TAFA1: variants seen among roughly 807,000 people sequenced by gnomAD.
The protein encoded by TAFA1 is TAFA chemokine like family member 1.
A neutral mutation model predicts 18.5 loss-of-function variants in TAFA1; 4 were observed. The observed-to-expected ratio is 0.22, with a 90% confidence interval of 0.11 to 0.49. TAFA1 has a LOEUF of 0.49. Ranked by LOEUF, TAFA1 falls within the 20% of genes least tolerant of loss-of-function variation. The pLI is 0.98. For missense variants in TAFA1, 147 were observed against 169.0 expected (o/e 0.87, Z 0.72); for synonymous variants, 56 against 55.2 (o/e 1.01, Z -0.06).
intron 2 of TAFA1, among the ~76,000 whole-genome samples, chr3:68,338,640 T>C (rs2069018647): frequency 6.6e-6 from 1 of 152,226 alleles, no homozygotes; most frequent in Non-Finnish European, 1.5e-5. Context: ...TTGAAATTAT[T>C]GAGCCAGGAT....
chr3:68,133,344 A>G (rs578001539), intron 2 of TAFA1, among the ~76,000 whole-genome samples: 2 of 152,178 alleles, frequency 1.3e-5, no homozygotes, highest in African/African-American at 4.8e-5. Flanking sequence ...TATCTTGGCT[A>G]TATGGGCTCT....
intron 2 of TAFA1, among the ~76,000 whole-genome samples, chr3:68,215,259 C>T (rs1420232117): frequency 6.6e-6 from 1 of 151,996 alleles, no homozygotes; most frequent in African/African-American, 2.4e-5. Context: ...CAGTGTGGTG[C>T]TTAAGAAGCA....
intron 2 of TAFA1, among the ~76,000 whole-genome samples, chr3:68,016,589 G>A (rs922466235): frequency 2.6e-5 from 4 of 152,184 alleles, no homozygotes; most frequent in Non-Finnish European, 5.9e-5. Context: ...TATAGCCTAG[G>A]TGGGTAGTAG....
intron 2 of TAFA1, among the ~76,000 whole-genome samples, chr3:68,231,522 G>C (rs933281218): frequency 6.7e-6 from 1 of 150,242 alleles, no homozygotes; most frequent in East Asian, 2.0e-4. Flanking sequence ...CACCGCGCCC[G>C]GCTAATTTTT....
chr3:68,193,759 G>T (rs1281928809), intron 2 of TAFA1, among the ~76,000 whole-genome samples: 2 of 151,452 alleles, frequency 1.3e-5, no homozygotes, highest in Non-Finnish European at 3.0e-5. Flanking sequence ...AAAAAAAAAT[G>T]AACAGGTCTC....
chr3:68,095,836 T>C (rs1210808829), intron 2 of TAFA1, among the ~76,000 whole-genome samples: 1 of 152,176 alleles, frequency 6.6e-6, no homozygotes, highest in Non-Finnish European at 1.5e-5. Context: ...TGATACATAA[T>C]ATTTGTGTAT....
chr3:68,197,151 A>G (rs889204808), intron 2 of TAFA1, among the ~76,000 whole-genome samples: 1 of 151,762 alleles, frequency 6.6e-6, no homozygotes, highest in Non-Finnish European at 1.5e-5. Flanking sequence ...ATAATCACCA[A>G]CTGAAGTAAA....
intron 2 of TAFA1, among the ~76,000 whole-genome samples, chr3:68,232,589 A>G (rs1339847843): frequency 1.3e-5 from 2 of 152,036 alleles, no homozygotes; most frequent in Admixed American, 6.6e-5. Flanking sequence ...TTGCTGGATC[A>G]TATGGTAATT....
In TAFA1 at chr3:68,351,432, G is replaced by A. The variant is rs76758045; in HGVS notation, c.119-65848G>A. On this transcript the variant is annotated intron_variant, in intron 2 of 4. Transcript: ENST00000478136. The stretch of plus-strand genomic sequence containing the variant: ...TATTAAGCAGATTCAATGCAGTAGA[G>A]GGGTTTTTCTTCAACCCCCATAGGT... Among the ~76,000 whole-genome samples, 1,646 of 152,064 alleles carry A rather than the reference G, an allele frequency of 0.011. 87 individuals are homozygous for A. In the East Asian group the frequency reaches 0.16, roughly 15 times the overall value.
intron 2 of TAFA1, among the ~76,000 whole-genome samples, chr3:68,223,533 A>ATTTTTTTTTTTTTTTT (rs3033749): frequency 6.7e-6 from 1 of 149,866 alleles, no homozygotes. Context: ...TGTTAGGACC[A>ATTTTTTTTTTTTTTTT]TTTTTTTTTT....
rs1575772323 is a variant in TAFA1 at position 68,317,100 on chromosome 3, G to A, written c.119-100180G>A. On this transcript the variant is annotated intron_variant, in intron 2 of 4. Transcript: ENST00000478136. ...ATATTAATTGAAGGGTCAATAATTTGGCAATGAGTTGTGGAAGGGAATGGT... is the reference window on the plus strand; with the variant it reads ...ATATTAATTGAAGGGTCAATAATTTAGCAATGAGTTGTGGAAGGGAATGGT... 2.0e-5 allele frequency among the ~76,000 whole-genome samples: 3 copies of A among 152,220 alleles called. No individual in the cohort carries two copies. In the East Asian group the frequency reaches 5.8e-4, roughly 29 times the overall value.
At chr3:68,111,775 T>TGACA (rs2065264897) in intron 2 of TAFA1, among the ~76,000 whole-genome samples, 1 of 26,232 alleles carries the variant, frequency 3.8e-5, no homozygotes, top group Admixed American at 5.8e-4. Flanking sequence ...GACACACACA[T>TGACA]GAGAAAGAGA....
intron 2 of TAFA1, among the ~76,000 whole-genome samples, chr3:68,033,593 G>C (rs1704982425): frequency 6.6e-6 from 1 of 152,142 alleles, no homozygotes; most frequent in Non-Finnish European, 1.5e-5. Flanking sequence ...GTAAGCCAAT[G>C]AGATATGACA....
chr3:68,104,446 T>C (rs1235599045), intron 2 of TAFA1, among the ~76,000 whole-genome samples: 2 of 152,008 alleles, frequency 1.3e-5, no homozygotes, highest in East Asian at 3.8e-4. Context: ...ATTACTTTTA[T>C]TGTGGTTAAA....
intron 2 of TAFA1, among the ~76,000 whole-genome samples, chr3:68,206,483 G>A (rs1215216898): frequency 6.6e-6 from 1 of 151,728 alleles, no homozygotes; most frequent in Non-Finnish European, 1.5e-5. Flanking sequence ...TGATATTATT[G>A]AGGTCTCTTT....
chr3:68,337,665 G>A (rs956674677), intron 2 of TAFA1, among the ~76,000 whole-genome samples: 4 of 152,046 alleles, frequency 2.6e-5, no homozygotes, highest in African/African-American at 9.7e-5. Context: ...TTTGTTTTGT[G>A]TATATTTATG....
At chr3:68,461,183 G>A (rs1037944288) in intron 3 of TAFA1, among the ~76,000 whole-genome samples, 2 of 151,828 alleles carry the variant, frequency 1.3e-5, no homozygotes, top group African/African-American at 4.8e-5. Flanking sequence ...TCAGGAGGCT[G>A]AGGCATGAAA....
intron 2 of TAFA1, among the ~76,000 whole-genome samples, chr3:68,253,276 A>T (rs76445044): frequency 0.01 from 1,549 of 152,284 alleles, 34 homozygotes; most frequent in African/African-American, 0.035. Context: ...TATACCAGGT[A>T]AGTTGGTATA....
rs369103696 is a variant in TAFA1 at position 68,410,250 on chromosome 3, C to T, written c.119-7030C>T. Among the ~76,000 whole-genome samples, 31 of 152,126 alleles carry T rather than the reference C, an allele frequency of 2.0e-4. No individual in the cohort carries two copies. In the Middle Eastern group the frequency reaches 0.01, roughly 50 times the overall value. ...GCAGTTGGGAAACTAGAGAGATGCC[C>T]CATGGAGTTTTTTTTTGCAGGGGCC... is the stretch of plus-strand genomic sequence containing the variant. On this transcript the variant is annotated intron_variant, in intron 2 of 4. Coordinates refer to ENST00000478136, the MANE Select transcript of TAFA1 (RefSeq NM_213609.4).
Sources: gnomAD v4.1 joint callset for allele counts (sites outside exome capture counted in the v4.1 genomes callset) on GRCh38, gnomAD v4.1.1 for gene constraint, MANE v1.5 for transcripts, NCBI Gene and HGNC (gene_info 2026-07-23, HGNC 2026-07-21) for gene names.